The following SDK2 variants were observed in gnomAD, a reference collection of about 807,000 sequenced individuals.
SDK2 encodes sidekick cell adhesion molecule 2.
SDK2 carries 105 observed loss-of-function variants against 253.9 expected under a neutral mutation model. The observed-to-expected ratio is 0.41, with a 90% CI of 0.35 to 0.49. The LOEUF is 0.49. Among genes scored for constraint, SDK2 ranks in the 20% least tolerant of loss-of-function variants. The pLI is 0.06. For synonymous variants in SDK2, 1,249 were observed against 1,234.9 expected, an observed-to-expected ratio of 1.01 and a Z score of -0.24; for missense variants, 2,608 against 3,003.0, an observed-to-expected ratio of 0.87 and a Z score of 3.07.
At chr17:73,588,516 G>C (rs1226701826) in intron 1 of SDK2, among the ~76,000 whole-genome samples, 1 of 151,810 alleles carries the variant, frequency 6.6e-6, no homozygotes, top group Non-Finnish European at 1.5e-5. Context: ...AGGTGATTCT[G>C]ATGCACAGTG....
At chr17:73,340,502 T>G (rs1568356791) in intron 44 of SDK2, among the ~76,000 whole-genome samples, 1 of 152,182 alleles carries the variant, frequency 6.6e-6, no homozygotes, top group Non-Finnish European at 1.5e-5. Flanking sequence ...AGTGTCATGT[T>G]TTTGAGGTTC....
Position 73,383,859 on chromosome 17 carries a change from TC to T in SDK2, c.4705+16del, listed in dbSNP as rs766032743. On this transcript the variant is annotated intron_variant, in intron 33 of 44. Coordinates refer to ENST00000392650, the MANE Select transcript of SDK2 (RefSeq NM_001144952.2). This position sits in a 1 kb window ranked among gnomAD's most constrained non-coding sequence, Gnocchi z 4.3. ...CCCCCATCCCACCCATTCCTCTGGC[TC>T]CCAAGTGTCACTCACAGGTAAGCTC... 3.3e-5 allele frequency: 54 copies of T among 1,613,580 alleles called. No homozygotes were observed. The Admixed American group carries it at 8.5e-4, about 25-fold the overall frequency.
chr17:73,507,049 A>C (rs1328276071), intron 2 of SDK2, among the ~76,000 whole-genome samples: 2 of 152,192 alleles, frequency 1.3e-5, no homozygotes, highest in Non-Finnish European at 2.9e-5. Flanking sequence ...CCACCCCTCC[A>C]TTGGACCCAG....
In SDK2 at chr17:73,636,415, C is replaced by T. The variant is rs537959006; in HGVS notation, c.64+7610G>A. 1.6e-4 allele frequency among the ~76,000 whole-genome samples: 24 copies of T among 152,158 alleles called. No homozygotes were observed. The South Asian group carries it at 1.9e-3, about 12-fold the overall frequency. On this transcript the variant is annotated intron_variant, in intron 1 of 44. Transcript: ENST00000392650. ...AAAAGAAAATGGGGTGAGCCAAGTG[C>T]GGCAGCTCATGCCTGCAATCCCAGC...
chr17:73,554,038 G>A (rs752562704), intron 1 of SDK2, among the ~76,000 whole-genome samples: 1 of 152,132 alleles, frequency 6.6e-6, no homozygotes, highest in Non-Finnish European at 1.5e-5. Context: ...GGGGTTTTAT[G>A]TCCTCCAGGG....
At chr17:73,362,159 T>G (rs1472341249) in intron 38 of SDK2, among the ~76,000 whole-genome samples, 1 of 152,174 alleles carries the variant, frequency 6.6e-6, no homozygotes, top group Non-Finnish European at 1.5e-5. Flanking sequence ...AAGAGAACAC[T>G]CGCCATCCTG....
At chr17:73,528,375 T>C (rs1263693196) in intron 1 of SDK2, among the ~76,000 whole-genome samples, 1 of 152,196 alleles carries the variant, frequency 6.6e-6, no homozygotes, top group Non-Finnish European at 1.5e-5. Flanking sequence ...ATGAAGAGCT[T>C]GCAATGTGCC....
intron 12 of SDK2, 66 bp downstream of exon 12, chr17:73,430,445 C>A (rs2063317204): frequency 1.6e-6 from 2 of 1,238,526 alleles, no homozygotes; most frequent in Non-Finnish European, 2.3e-6. Context: ...GACACTCGCC[C>A]AGCTACAAGC....
In SDK2 at chr17:73,380,955, G is replaced by T. The variant is rs777126059; in HGVS notation, c.4706-5C>A. On this transcript the variant is annotated splice_region_variant and splice_polypyrimidine_tract_variant and intron_variant, in intron 33 of 44. Transcript: ENST00000392650. ...GGTTCCGCATGGAGTACATGGCTATGGGGTGGGGGTGCCGGGGCGGGGGCG... is the reference window on the plus strand; with the variant it reads ...GGTTCCGCATGGAGTACATGGCTATTGGGTGGGGGTGCCGGGGCGGGGGCG... 3 of 1,548,346 alleles carry T rather than the reference G, an allele frequency of 1.9e-6. No homozygotes were observed. The highest frequency in any genetic ancestry group is 2.6e-6 in the Non-Finnish European group (3 of 1,142,014).
rs1568389270 is a variant in SDK2 at position 73,412,037 on chromosome 17, T to TATATATATATACACAC, written c.2484+2606_2484+2607insGTGTGTATATATATAT. On this transcript the variant is annotated intron_variant, in intron 18 of 44. Transcript: ENST00000392650. Reference sequence around the variant, plus strand: ...AGATATACGTATATGTATATATACGTATATATATGTATATACGTATATGTA... The same window carrying TATATATATATACACAC: ...AGATATACGTATATGTATATATACGTATATATATATACACACATATATATGTATATACGTATATGTA... Among the ~76,000 whole-genome samples, 22 of 4,360 alleles carry TATATATATATACACAC rather than the reference T, an allele frequency of 5.0e-3. No homozygotes were observed. In the South Asian group the frequency reaches 0.12, roughly 24 times the overall value. 2.9% of individuals were successfully genotyped at this position (4,360 alleles called of 152,430 possible).
At chr17:73,529,231 A>T (rs1477008052) in intron 1 of SDK2, among the ~76,000 whole-genome samples, 1 of 152,178 alleles carries the variant, frequency 6.6e-6, no homozygotes, top group African/African-American at 2.4e-5. Flanking sequence ...TACAGTCAGT[A>T]CCGAGGTTGG....
At chr17:73,516,605 T>TGCCTGGCCCAG (rs2064030550) in intron 1 of SDK2, 1 of 152,416 alleles carries the variant, frequency 6.6e-6, no homozygotes, top group Admixed American at 6.5e-5. Context: ...TCCTAGCAGA[T>TGCCTGGCCCAG]GCCTGGCCCA....
At position 73,483,697 on chromosome 17, in the gene SDK2, ATATATATATATT is replaced by A. The variant is rs1567799485; in HGVS notation, c.225-11491_225-11480del. Among the ~76,000 whole-genome samples, 26 of 67,826 alleles carry A rather than the reference ATATATATATATT, an allele frequency of 3.8e-4. 2 individuals are homozygous for A. Among genetic ancestry groups the A allele is most frequent in the African/African-American group, 1.4e-3 (19 of 14,004 alleles). The allele number at this position is 67,826 out of a possible 152,430, so 44.5% of individuals were successfully genotyped here. A position where few individuals can be genotyped will look rare whatever the true frequency, so the allele number is the denominator to read the frequency against. On this transcript the variant is annotated intron_variant, in intron 2 of 44. Coordinates refer to ENST00000392650, the MANE Select transcript of SDK2 (RefSeq NM_001144952.2). Reference sequence around the variant, plus strand: ...TATATATATATTTATATATATATATATATATATATATTTTTTTTTTTTTTTAGTAGAGTTGGG... The same window carrying A: ...TATATATATATTTATATATATATATATTTTTTTTTTTTTAGTAGAGTTGGG...
intron 3 of SDK2, among the ~76,000 whole-genome samples, chr17:73,469,252 A>T (rs867101441): frequency 4.6e-5 from 7 of 152,168 alleles, no homozygotes; most frequent in Admixed American, 2.0e-4. Flanking sequence ...TGGATCTCAG[A>T]AGCTCCCTCT....
chr17:73,584,318 G>A (rs1158809275), intron 1 of SDK2, among the ~76,000 whole-genome samples: 1 of 152,218 alleles, frequency 6.6e-6, no homozygotes, highest in Non-Finnish European at 1.5e-5. Flanking sequence ...TACAGGGGTG[G>A]GAAGCTGCCT....
At position 73,433,744 on chromosome 17, in the gene SDK2, T is replaced by A. The variant is rs1309707749; in HGVS notation, c.1300A>T (p.Thr434Ser). The A allele has an allele frequency of 6.2e-7, 1 of 1,604,116 alleles. No homozygotes were observed. ...GTGTTCCATCTACCTTTCTGCCAAG[T>A]GATAGCTGGTCGGGGCGCCCCCGAG... Reference protein sequence around the residue: ...ETSGAPRPAITWQKGERILAS... With the variant: ...ETSGAPRPAISWQKGERILAS... Residue 434 changes from threonine to serine, a missense_variant, in exon 10 of 45, where the codon ACT becomes TCT. Transcript: ENST00000392650.
At chr17:73,527,692 C>T (rs1331279689) in intron 1 of SDK2, among the ~76,000 whole-genome samples, 3 of 152,150 alleles carry the variant, frequency 2.0e-5, no homozygotes, top group Non-Finnish European at 4.4e-5. Flanking sequence ...TGCAGAGGAG[C>T]GTGGATGGAA....
intron 15 of SDK2, among the ~76,000 whole-genome samples, chr17:73,419,719 CA>C (rs902970784): frequency 5.6e-5 from 7 of 124,090 alleles, no homozygotes; most frequent in Non-Finnish European, 8.0e-5. Context: ...AAAAAAACAA[CA>C]AAAAAAACCC....
chr17:73,602,438 A>T (rs1047140063), intron 1 of SDK2, among the ~76,000 whole-genome samples: 8 of 151,844 alleles, frequency 5.3e-5, no homozygotes, highest in Admixed American at 3.3e-4. Context: ...AGTATCCAGG[A>T]TTCTCTCATT....
Sources: allele counts gnomAD v4.1 joint callset (sites outside exome capture counted in the v4.1 genomes callset), GRCh38; gene constraint gnomAD v4.1.1; non-coding constraint Gnocchi (gnomAD v3.1); transcripts MANE v1.5; gene names NCBI Gene and HGNC (gene_info 2026-07-23, HGNC 2026-07-21).